The following KCNK1 variants were observed in gnomAD, a reference collection of about 807,000 sequenced individuals.
KCNK1 encodes the protein potassium two pore domain channel subfamily K member 1, also known as potassium channel subfamily K member 1.
KCNK1 carries 10 observed loss-of-function variants against 22.2 expected under a neutral mutation model. The ratio of observed to expected loss-of-function variants is 0.45; its 90% CI spans 0.28 to 0.76. The LOEUF (loss-of-function observed/expected upper bound fraction) is 0.76. Ranked by LOEUF, KCNK1 falls within the 30% of genes least tolerant of loss-of-function variation. The probability of loss-of-function intolerance (pLI) is 0.14; values close to 1 mark genes in which losing one functional copy is unlikely to be tolerated. For synonymous variants in KCNK1, 200 were observed against 186.4 expected, an observed-to-expected ratio of 1.07 and a Z score of -0.60; for missense variants, 378 against 421.0, an observed-to-expected ratio of 0.90 and a Z score of 0.89.
chr1:233,618,983 G>A (rs2102880479), intron 1 of KCNK1, among the ~76,000 whole-genome samples: 1 of 152,232 alleles, frequency 6.6e-6, no homozygotes, highest in South Asian at 2.1e-4. Flanking sequence ...TGTAAATGTG[G>A]GATCCATGTG....
chr1:233,664,300 C>T (rs1437233980), intron 1 of KCNK1, among the ~76,000 whole-genome samples: 10 of 152,034 alleles, frequency 6.6e-5, no homozygotes, highest in Non-Finnish European at 1.0e-4. Flanking sequence ...CTCATTCTTC[C>T]TTCACATATT....
At chr1:233,670,153 G>A (rs1571907485) in intron 2 of KCNK1, among the ~76,000 whole-genome samples, 1 of 151,922 alleles carries the variant, frequency 6.6e-6, no homozygotes, top group African/African-American at 2.4e-5. Context: ...TAAAATGATG[G>A]AAGGAATTTT....
At chr1:233,658,000 G>C (rs543247794) in intron 1 of KCNK1, among the ~76,000 whole-genome samples, 2 of 152,092 alleles carry the variant, frequency 1.3e-5, no homozygotes, top group Non-Finnish European at 2.9e-5. Flanking sequence ...AGGAAGCAAG[G>C]CCTGATGAGA....
At chr1:233,638,059 G>A (rs1657934264) in intron 1 of KCNK1, among the ~76,000 whole-genome samples, 2 of 149,558 alleles carry the variant, frequency 1.3e-5, no homozygotes, top group African/African-American at 2.4e-5. Flanking sequence ...TTGTTATGTT[G>A]TTTATCCAAA....
At position 233,630,616 on chromosome 1, in the gene KCNK1, C is replaced by T. The variant is rs1657774485; in HGVS notation, c.355+16090C>T. ...TGCAGACCTTTGGTTCTGTTTTCTT[C>T]CTCATCAGATAGGAATTTTTTTTAA... On this transcript the variant is annotated intron_variant, in intron 1 of 2. Transcript: ENST00000366621. The T allele has an allele frequency of 2.0e-5, 3 of 152,350 alleles. No homozygotes were observed. The South Asian group carries it at 6.2e-4, about 32-fold the overall frequency. 9.4% of individuals were successfully genotyped at this position (152,350 alleles called of 1,614,324 possible). A position where few individuals can be genotyped will look rare whatever the true frequency, so the allele number is the denominator to read the frequency against.
In KCNK1 at chr1:233,671,678, C is replaced by T. The variant is rs571173893; in HGVS notation, c.*148C>T. On this transcript the variant is annotated 3_prime_UTR_variant, in exon 3 of 3. Coordinates refer to ENST00000366621, the MANE Select transcript of KCNK1 (RefSeq NM_002245.4). The stretch of plus-strand genomic sequence containing the variant: ...TTTGCAATGTCTTATTAAAAAACAA[C>T]AAAAAAAGACAAATGGAACAAAGAA... 3.2e-5 allele frequency: 28 copies of T among 865,858 alleles called. No homozygotes were observed. The African/African-American group carries it at 4.6e-4, about 14-fold the overall frequency. 53.6% of individuals were successfully genotyped at this position (865,858 alleles called of 1,614,324 possible).
At chr1:233,640,551 T>A (rs1657982791) in intron 1 of KCNK1, among the ~76,000 whole-genome samples, 1 of 152,282 alleles carries the variant, frequency 6.6e-6, no homozygotes, top group African/African-American at 2.4e-5. Flanking sequence ...TCATGTGAAC[T>A]GATTTCCCTG....
intron 1 of KCNK1, among the ~76,000 whole-genome samples, chr1:233,627,029 A>T (rs1242626050): frequency 6.6e-6 from 1 of 152,148 alleles, no homozygotes; most frequent in Non-Finnish European, 1.5e-5. Flanking sequence ...TTTCACAAAC[A>T]ATCTAAACAT....
At chr1:233,645,586 T>C (rs1430251820) in intron 1 of KCNK1, among the ~76,000 whole-genome samples, 1 of 152,134 alleles carries the variant, frequency 6.6e-6, no homozygotes, top group Non-Finnish European at 1.5e-5. Context: ...GAGGGACTGC[T>C]TCGAGGCACT....
intron 2 of KCNK1, among the ~76,000 whole-genome samples, chr1:233,669,531 A>G (rs1410796931): frequency 6.6e-6 from 1 of 152,166 alleles, no homozygotes; most frequent in Non-Finnish European, 1.5e-5. Flanking sequence ...TATTTTTGTG[A>G]GCATTCAAGA....
chr1:233,661,133 C>T (rs543545447), intron 1 of KCNK1, among the ~76,000 whole-genome samples: 25 of 152,314 alleles, frequency 1.6e-4, no homozygotes, highest in African/African-American at 6.0e-4. Context: ...GCCCGTTTCC[C>T]TCCTTTCCAG....
intron 1 of KCNK1, among the ~76,000 whole-genome samples, chr1:233,616,587 A>G (rs557202455): frequency 6.6e-6 from 1 of 152,340 alleles, no homozygotes; most frequent in East Asian, 1.9e-4. Flanking sequence ...ACTTAAGGAT[A>G]AACTAAATGA....
At chr1:233,619,502 A>G (rs1189104544) in intron 1 of KCNK1, among the ~76,000 whole-genome samples, 1 of 152,210 alleles carries the variant, frequency 6.6e-6, no homozygotes, top group Non-Finnish European at 1.5e-5. Context: ...TAGTTTTCAA[A>G]TAAAGAAGAT....
chr1:233,623,726 C>A (rs1657633407), intron 1 of KCNK1, among the ~76,000 whole-genome samples: 1 of 152,056 alleles, frequency 6.6e-6, no homozygotes, highest in Non-Finnish European at 1.5e-5. Flanking sequence ...GTAACTGGGA[C>A]CACAGGCGCA....
intron 1 of KCNK1, among the ~76,000 whole-genome samples, chr1:233,648,955 G>A (rs1230215194): frequency 6.6e-6 from 1 of 152,148 alleles, no homozygotes; most frequent in Admixed American, 6.5e-5. Context: ...GGACCAAGCT[G>A]GAGAGATGAG....
chr1:233,666,876 C>T lies in KCNK1; in HGVS notation c.637C>T (p.Leu213=), dbSNP rs1434890828. The T allele has an allele frequency of 6.2e-7, 1 of 1,614,132 alleles. No individual in the cohort carries two copies. Among genetic ancestry groups the T allele is most frequent in the South Asian group, 1.1e-5 (1 of 91,086 alleles). ...AGTCCTGGAGGATGACTGGAACTTC[C>T]TGGAATCCTTTTATTTTTGTTTTAT... is the stretch of plus-strand genomic sequence containing the variant. ...FSVLEDDWNF[L]ESFYFCFISL... Residue 213 remains leucine, a synonymous_variant, in exon 2 of 3, where the codon CTG becomes TTG. Transcript: ENST00000366621.
intron 2 of KCNK1, 49 bp downstream of exon 2, chr1:233,667,039 T>TTATG (rs1187786389): frequency 7.9e-7 from 1 of 1,258,444 alleles, no homozygotes; most frequent in Non-Finnish European, 1.0e-6. Flanking sequence ...TTTATTTTAT[T>TTATG]TATTTATTTA....
chr1:233,621,983 G>C (rs768545725), intron 1 of KCNK1, among the ~76,000 whole-genome samples: 9 of 152,104 alleles, frequency 5.9e-5, no homozygotes, highest in Non-Finnish European at 8.8e-5. Flanking sequence ...GCCCCCGGAA[G>C]ATACTGCTAC....
intron 1 of KCNK1, chr1:233,629,890 A>G (rs1426630432): frequency 2.0e-5 from 3 of 152,234 alleles, no homozygotes; most frequent in Non-Finnish European, 4.4e-5. Context: ...GAATTTCACA[A>G]CCCAAACCCG....
Sources: gnomAD v4.1 joint callset for allele counts (sites outside exome capture counted in the v4.1 genomes callset) on GRCh38, gnomAD v4.1.1 for gene constraint, MANE v1.5 for transcripts, NCBI Gene and HGNC (gene_info 2026-07-23, HGNC 2026-07-21) for gene names.